The following CMC1 variants were observed in gnomAD, a reference collection of about 807,000 sequenced individuals.
CMC1 encodes the protein C-X9-C motif containing 1, also known as COX assembly mitochondrial protein homolog.
In CMC1, 14 loss-of-function variants were observed where a neutral mutation model predicts 14.1. That is an observed-to-expected ratio of 0.99 (90% CI 0.66 to 1.55). The LOEUF (loss-of-function observed/expected upper bound fraction) is 1.55, where lower values mean the gene tolerates loss of function less well. Among genes scored for constraint, CMC1 ranks in the 40% most tolerant of loss-of-function variants. The pLI is 0.00. For missense variants in CMC1, 127 were observed against 123.8 expected, an observed-to-expected ratio of 1.03 and a Z score of -0.12; for synonymous variants, 50 against 38.4, an observed-to-expected ratio of 1.30 and a Z score of -1.12.
At chr3:28,292,474 T>C (rs1701523006) in intron 2 of CMC1, among the ~76,000 whole-genome samples, 1 of 152,188 alleles carries the variant, frequency 6.6e-6, no homozygotes, top group African/African-American at 2.4e-5. Context: ...TTGATCATTT[T>C]AGTTCATGTC....
intron 2 of CMC1, among the ~76,000 whole-genome samples, chr3:28,287,340 TTTAA>T (rs1448125703): frequency 6.6e-6 from 1 of 152,186 alleles, no homozygotes; most frequent in Non-Finnish European, 1.5e-5. Flanking sequence ...GGCTCTCTAG[TTTAA>T]TTGATACCCA....
At chr3:28,241,913 T>C (rs1698542632) in intron 1 of CMC1, 101 bp downstream of exon 1, 1 of 1,127,432 alleles carries the variant, frequency 8.9e-7, no homozygotes. Context: ...TGCAGAGCTC[T>C]GGGTAGCATT....
At chr3:28,316,477 G>C (rs1350748456) in intron 3 of CMC1, 54 bp downstream of exon 3, 2 of 977,848 alleles carry the variant, frequency 2.0e-6, no homozygotes, top group Non-Finnish European at 3.1e-6. Flanking sequence ...GTAGATAAGA[G>C]TATGTTACTT....
At chr3:28,280,396 A>G (rs767585308) in intron 2 of CMC1, among the ~76,000 whole-genome samples, 63 of 152,290 alleles carry the variant, frequency 4.1e-4, no homozygotes, top group Non-Finnish European at 7.1e-4. Flanking sequence ...ATTTTAGATC[A>G]GTGTTATCTA....
chr3:28,270,827 G>C (rs1051962798), intron 2 of CMC1, among the ~76,000 whole-genome samples: 2 of 151,534 alleles, frequency 1.3e-5, no homozygotes, highest in African/African-American at 4.9e-5. Flanking sequence ...ATTCTTGCCC[G>C]TGCCTATGTC....
At chr3:28,303,289 A>T (rs1440782291) in intron 2 of CMC1, among the ~76,000 whole-genome samples, 4 of 152,166 alleles carry the variant, frequency 2.6e-5, no homozygotes, top group Non-Finnish European at 4.4e-5. Context: ...GAAAAACAAG[A>T]AAAAGGCCAC....
intron 1 of CMC1, among the ~76,000 whole-genome samples, chr3:28,258,501 T>C (rs13092618): frequency 0.21 from 30,919 of 150,454 alleles, 3,553 homozygotes; most frequent in Middle Eastern, 0.27. Context: ...TTTTTTTTTT[T>C]CCATGTTAAT....
At chr3:28,304,258 T>C (rs932296820) in intron 2 of CMC1, among the ~76,000 whole-genome samples, 2 of 152,118 alleles carry the variant, frequency 1.3e-5, no homozygotes, top group African/African-American at 4.8e-5. Context: ...ATGCAGCCAA[T>C]ATAAAAATTT....
At position 28,320,790 on chromosome 3, in the gene CMC1, A is replaced by C. The variant is rs1222931899; in HGVS notation, c.*1161A>C. 6.6e-6 allele frequency: 1 copy of C among 150,768 alleles called. No individual in the cohort carries two copies. Among genetic ancestry groups the C allele is most frequent in the Admixed American group, 6.7e-5 (1 of 15,014 alleles). 9.3% of individuals were successfully genotyped at this position (150,768 alleles called of 1,614,324 possible). On this transcript the variant is annotated 3_prime_UTR_variant, in exon 4 of 4. Transcript: ENST00000466830. ...AAGTAGTATAAAAAATTTATGTCCC[A>C]ATTTAATAATTTGAGCTTTTATATT...
chr3:28,313,807 C>A (rs1219273553), intron 2 of CMC1, among the ~76,000 whole-genome samples: 1 of 152,230 alleles, frequency 6.6e-6, no homozygotes, highest in African/African-American at 2.4e-5. Context: ...AATGCCTAAG[C>A]ATCCTATTTA....
intron 2 of CMC1, among the ~76,000 whole-genome samples, chr3:28,309,593 T>C (rs1374213194): frequency 6.6e-6 from 1 of 152,140 alleles, no homozygotes; most frequent in East Asian, 1.9e-4. Flanking sequence ...GGTTTAAATG[T>C]TTTTAGCCCC....
At chr3:28,268,736 A>G (rs888273450) in intron 2 of CMC1, among the ~76,000 whole-genome samples, 3 of 152,228 alleles carry the variant, frequency 2.0e-5, no homozygotes, top group Non-Finnish European at 4.4e-5. Flanking sequence ...TGGACATAAT[A>G]AAAGTTACTT....
At chr3:28,259,289 A>G (rs960381383) in intron 1 of CMC1, among the ~76,000 whole-genome samples, 2 of 152,134 alleles carry the variant, frequency 1.3e-5, no homozygotes, top group Non-Finnish European at 1.5e-5. Context: ...CTTCAAAAGG[A>G]TAACAATTGA....
At chr3:28,283,041 G>T (rs1169148085) in intron 2 of CMC1, among the ~76,000 whole-genome samples, 1 of 152,102 alleles carries the variant, frequency 6.6e-6, no homozygotes, top group Non-Finnish European at 1.5e-5. Flanking sequence ...AAGTATTTCC[G>T]TAGTTCAACC....
intron 2 of CMC1, among the ~76,000 whole-genome samples, chr3:28,268,552 A>G (rs1474037506): frequency 6.6e-6 from 1 of 152,202 alleles, no homozygotes; most frequent in East Asian, 1.9e-4. Flanking sequence ...GGTGTTCAGC[A>G]TAAATCATAT....
intron 2 of CMC1, among the ~76,000 whole-genome samples, chr3:28,277,806 G>C (rs1700657740): frequency 6.6e-6 from 1 of 152,176 alleles, no homozygotes; most frequent in Non-Finnish European, 1.5e-5. Context: ...ACTGTGGTTA[G>C]CTTGGAATGA....
chr3:28,248,036 G>C (rs1019386318), intron 1 of CMC1, among the ~76,000 whole-genome samples: 14 of 151,940 alleles, frequency 9.2e-5, no homozygotes, highest in African/African-American at 3.4e-4. Context: ...TAAGGTTTAG[G>C]ATTAAAAACT....
chr3:28,280,925 G>C (rs376995549), intron 2 of CMC1, among the ~76,000 whole-genome samples: 2 of 152,174 alleles, frequency 1.3e-5, no homozygotes, highest in African/African-American at 4.8e-5. Context: ...AGTTGTTTTG[G>C]AACACAGCCA....
rs1374755539 is a variant in CMC1 at position 28,252,745 on chromosome 3, G to A, written c.20-10546G>A. On this transcript the variant is annotated intron_variant, in intron 1 of 3. Transcript: ENST00000466830. The stretch of plus-strand genomic sequence containing the variant: ...GCATGGTGGTGTCATTGAAGGTTTA[G>A]AGCCTGGGTTACATGATCTTGGCAT... Among the ~76,000 whole-genome samples the A allele has an allele frequency of 4.6e-5, 7 of 152,150 alleles. No homozygotes were observed. The East Asian group carries it at 1.3e-3, about 29-fold the overall frequency.
Sources: gnomAD v4.1 joint callset for allele counts (sites outside exome capture counted in the v4.1 genomes callset) on GRCh38, gnomAD v4.1.1 for gene constraint, MANE v1.5 for transcripts, NCBI Gene and HGNC (gene_info 2026-07-23, HGNC 2026-07-21) for gene names.